HMGN3: variants seen among roughly 807,000 people sequenced by gnomAD.
HMGN3 encodes the protein high mobility group nucleosomal binding domain 3, also known as high mobility group nucleosome-binding domain-containing protein 3.
In HMGN3, 6 loss-of-function variants were observed where a neutral mutation model predicts 18.8. That is an observed-to-expected ratio of 0.32 (90% confidence interval 0.18 to 0.63). The LOEUF is 0.63. Ranked by LOEUF, HMGN3 falls within the 30% of genes least tolerant of loss-of-function variation. The probability of loss-of-function intolerance (pLI) is 0.79; values close to 1 mark genes in which losing one functional copy is unlikely to be tolerated. For synonymous variants in HMGN3, 40 were observed against 36.5 expected (o/e 1.10, Z -0.35); for missense variants, 107 against 114.2 (o/e 0.94, Z 0.29).
chr6:79,227,610 G>A (rs949135775), intron 1 of HMGN3, among the ~76,000 whole-genome samples: 3 of 152,134 alleles, frequency 2.0e-5, no homozygotes, highest in Non-Finnish European at 4.4e-5. Flanking sequence ...CATAATCAAC[G>A]AAACAGAGCA....
intron 4 of HMGN3, among the ~76,000 whole-genome samples, chr6:79,203,180 A>T (rs1477004912): frequency 2.6e-5 from 4 of 152,154 alleles, no homozygotes; most frequent in Admixed American, 2.6e-4. Flanking sequence ...TTATTATATT[A>T]TTATTATTAG....
In HMGN3 at chr6:79,211,550, T is replaced by C. The variant is rs138156716; in HGVS notation, c.67-2974A>G. On this transcript the variant is annotated intron_variant, in intron 2 of 5. Transcript: ENST00000344726. ...TCAGCACTTCTCTGACATTCGCTAT[T>C]TCCCTTCCTTGCTTTGTTTTCCTTA... 2.8e-4 allele frequency among the ~76,000 whole-genome samples: 42 copies of C among 151,986 alleles called. No individual in the cohort carries two copies. The East Asian group carries it at 8.1e-3, about 29-fold the overall frequency.
At chr6:79,204,475 G>A (rs1386977517) in intron 3 of HMGN3, among the ~76,000 whole-genome samples, 1 of 152,156 alleles carries the variant, frequency 6.6e-6, no homozygotes, top group Non-Finnish European at 1.5e-5. Flanking sequence ...GGTGGCACAT[G>A]CGGATAACTG....
At chr6:79,229,820 G>C (rs1017074521) in intron 1 of HMGN3, among the ~76,000 whole-genome samples, 2 of 152,114 alleles carry the variant, frequency 1.3e-5, no homozygotes, top group Admixed American at 1.3e-4. Flanking sequence ...GGAGCTTGCA[G>C]TGAGCTGAGA....
chr6:79,231,551 T>C (rs532993403), intron 1 of HMGN3, among the ~76,000 whole-genome samples: 4 of 152,250 alleles, frequency 2.6e-5, no homozygotes, highest in African/African-American at 9.6e-5. Context: ...AATGTAGTTA[T>C]GACTATCACA....
At chr6:79,234,477 A>G (rs1778045679) in intron 1 of HMGN3, 69 bp downstream of exon 1, 1 of 1,503,028 alleles carries the variant, frequency 6.7e-7, no homozygotes, top group Admixed American at 1.7e-5. Context: ...TGCGCGAGCC[A>G]TTGCAATGCC....
intron 2 of HMGN3, among the ~76,000 whole-genome samples, chr6:79,211,807 T>C (rs978764205): frequency 1.3e-5 from 2 of 152,122 alleles, no homozygotes; most frequent in Non-Finnish European, 2.9e-5. Context: ...AGACATGAAA[T>C]CTTCTACTTT....
At chr6:79,219,200 G>A (rs1777149347) in intron 1 of HMGN3, among the ~76,000 whole-genome samples, 1 of 152,050 alleles carries the variant, frequency 6.6e-6, no homozygotes, top group Non-Finnish European at 1.5e-5. Flanking sequence ...AAGCATCAAG[G>A]AAAATGAGAA....
chr6:79,214,423 T>C (rs573300389), intron 2 of HMGN3, among the ~76,000 whole-genome samples: 2 of 152,028 alleles, frequency 1.3e-5, no homozygotes, highest in Admixed American at 6.5e-5. Context: ...GGATGGTCTC[T>C]ATCTCCTGAC....
At chr6:79,232,903 C>T (rs1182279603) in intron 1 of HMGN3, among the ~76,000 whole-genome samples, 1 of 152,216 alleles carries the variant, frequency 6.6e-6, no homozygotes, top group Non-Finnish European at 1.5e-5. Flanking sequence ...AAAATGGTGA[C>T]ATCACTTAAT....
At chr6:79,206,778 C>T (rs987512101) in intron 3 of HMGN3, among the ~76,000 whole-genome samples, 2 of 152,214 alleles carry the variant, frequency 1.3e-5, no homozygotes, top group Non-Finnish European at 2.9e-5. Flanking sequence ...CCTGGAAAAG[C>T]TGCAGCCATT....
exon 6 of HMGN3, chr6:79,201,710 G>T (rs777793703): frequency 1.2e-6 from 2 of 1,601,860 alleles, no homozygotes; most frequent in Admixed American, 1.7e-5. Context: ...GTTATCTACA[G>T]ATTCAGTTTT....
chr6:79,234,489 G>T (rs1425548680), intron 1 of HMGN3, 57 bp downstream of exon 1: 6 of 1,564,346 alleles, frequency 3.8e-6, no homozygotes, highest in African/African-American at 1.4e-5. Flanking sequence ...TGCAATGCCA[G>T]CATTTACTGT....
intron 1 of HMGN3, among the ~76,000 whole-genome samples, chr6:79,224,919 A>G (rs910740877): frequency 4.6e-5 from 7 of 152,210 alleles, no homozygotes; most frequent in Admixed American, 2.0e-4. Context: ...TGCAAAACTA[A>G]TCAGCTGGCT....
At chr6:79,229,427 G>A (rs1582449102) in intron 1 of HMGN3, among the ~76,000 whole-genome samples, 1 of 152,202 alleles carries the variant, frequency 6.6e-6, no homozygotes, top group East Asian at 1.9e-4. Flanking sequence ...TAGTAAACAC[G>A]TGAAAAGATG....
intron 1 of HMGN3, among the ~76,000 whole-genome samples, chr6:79,222,403 T>C (rs1303792897): frequency 2.0e-5 from 3 of 152,162 alleles, no homozygotes; most frequent in Non-Finnish European, 4.4e-5. Flanking sequence ...TACCTAACTC[T>C]GTCGCTCTTC....
intron 1 of HMGN3, among the ~76,000 whole-genome samples, chr6:79,227,143 A>G (rs1052558056): frequency 2.0e-5 from 3 of 152,238 alleles, no homozygotes; most frequent in Admixed American, 6.5e-5. Flanking sequence ...AGTGGAATAT[A>G]TTTAACTCTG....
chr6:79,216,947 T>C (rs569620359), intron 1 of HMGN3, among the ~76,000 whole-genome samples: 128 of 152,330 alleles, frequency 8.4e-4, no homozygotes, highest in Admixed American at 1.8e-3. Flanking sequence ...CAGCAGTACA[T>C]AGCTATTATA....
chr6:79,215,840 A>G (rs1050840729), intron 1 of HMGN3, among the ~76,000 whole-genome samples: 5 of 152,242 alleles, frequency 3.3e-5, no homozygotes, highest in African/African-American at 1.2e-4. Context: ...CAACTAAACT[A>G]CTTAGAAAAC....
Sources: allele counts gnomAD v4.1 joint callset (sites outside exome capture counted in the v4.1 genomes callset), GRCh38; gene constraint gnomAD v4.1.1; transcripts MANE v1.5; gene names NCBI Gene and HGNC (gene_info 2026-07-23, HGNC 2026-07-21).